The following SAMD3 variants were observed in gnomAD, a reference collection of about 807,000 sequenced individuals.
SAMD3 encodes sterile alpha motif domain containing 3.
Under a neutral mutation model 58.5 loss-of-function variants are expected in SAMD3, and 63 were observed. That is an observed-to-expected ratio of 1.08 (90% CI 0.88 to 1.33). The LOEUF (loss-of-function observed/expected upper bound fraction) is 1.33. Among genes scored for constraint, SAMD3 ranks in the 40% most tolerant of loss-of-function variants. The pLI, the probability that SAMD3 is intolerant of heterozygous loss-of-function variation, is 0.00. For missense variants in SAMD3, 604 were observed against 608.4 expected, an observed-to-expected ratio of 0.99 and a Z score of 0.08; for synonymous variants, 220 against 210.3, an observed-to-expected ratio of 1.05 and a Z score of -0.40.
chr6:130,209,038 CA>C (rs1463536528), intron 5 of SAMD3, among the ~76,000 whole-genome samples: 1 of 152,100 alleles, frequency 6.6e-6, no homozygotes, highest in Non-Finnish European at 1.5e-5. Context: ...AGTGTAGGAA[CA>C]TAGAGAAAAT....
intron 2 of SAMD3, chr6:130,312,842 T>C (rs1216413828): frequency 6.6e-6 from 1 of 152,206 alleles, no homozygotes; most frequent in Non-Finnish European, 1.5e-5. Context: ...CTGACTTTCA[T>C]GTTAGACACT....
intron 8 of SAMD3, among the ~76,000 whole-genome samples, chr6:130,168,677 C>T (rs1263977571): frequency 3.3e-5 from 5 of 152,128 alleles, no homozygotes; most frequent in East Asian, 1.9e-4. Context: ...TCAACATTTT[C>T]GATCTCTGCA....
chr6:130,173,170 A>T (rs948366178), intron 8 of SAMD3, among the ~76,000 whole-genome samples: 2 of 152,064 alleles, frequency 1.3e-5, no homozygotes, highest in Non-Finnish European at 2.9e-5. Flanking sequence ...GGAGTTTGTT[A>T]TTACCCACCT....
intron 9 of SAMD3, among the ~76,000 whole-genome samples, chr6:130,148,583 A>C (rs1788851141): frequency 6.6e-6 from 1 of 152,228 alleles, no homozygotes. Context: ...TTAAAAACTA[A>C]GATTTCAGGC....
chr6:130,183,869 A>T (rs749236526), intron 7 of SAMD3, among the ~76,000 whole-genome samples: 31 of 152,232 alleles, frequency 2.0e-4, no homozygotes, highest in East Asian at 7.7e-4. Context: ...GCGCAAAGTC[A>T]AGAAAGAAGC....
chr6:130,365,836 C>T (rs917165985), upstream of SAMD3: 12 of 985,502 alleles, frequency 1.2e-5, no homozygotes, highest in East Asian at 1.1e-4. Flanking sequence ...CAGATCCTGT[C>T]TGCGTCCTCC....
chr6:130,323,818 A>AAAAAAAAG (rs1776665500), intron 1 of SAMD3, among the ~76,000 whole-genome samples: 1 of 151,546 alleles, frequency 6.6e-6, no homozygotes, highest in Admixed American at 6.6e-5. Context: ...AAAAAAAAAA[A>AAAAAAAAG]AAAAAAAGAA....
At chr6:130,226,624 C>T (rs1233655938), upstream of SAMD3, among the ~76,000 whole-genome samples, 1 of 152,176 alleles carries the variant, frequency 6.6e-6, no homozygotes, top group Non-Finnish European at 1.5e-5. Flanking sequence ...GTCAGGAGTT[C>T]AAGACCAGCC....
chr6:130,263,811 G>A (rs753080031), intron 2 of SAMD3, among the ~76,000 whole-genome samples: 24 of 152,028 alleles, frequency 1.6e-4, no homozygotes, highest in African/African-American at 4.4e-4. Flanking sequence ...CCATTTAATC[G>A]GGGGAGATTT....
chr6:130,280,177 T>A (rs534977559), intron 2 of SAMD3, among the ~76,000 whole-genome samples: 1 of 152,334 alleles, frequency 6.6e-6, no homozygotes, highest in African/African-American at 2.4e-5. Flanking sequence ...TGGCTCATCA[T>A]AATCTTTGTT....
At chr6:130,168,326 T>G (rs895456931) in intron 8 of SAMD3, among the ~76,000 whole-genome samples, 38 of 152,110 alleles carry the variant, frequency 2.5e-4, no homozygotes, top group Admixed American at 1.6e-3. Flanking sequence ...TCCCAGCTAC[T>G]CAGGAGGCTG....
At chr6:130,297,489 T>C (rs749613426) in intron 2 of SAMD3, among the ~76,000 whole-genome samples, 10 of 152,226 alleles carry the variant, frequency 6.6e-5, no homozygotes, top group Non-Finnish European at 1.3e-4. Flanking sequence ...CCAGAGTTCT[T>C]GACCCCTCCG....
chr6:130,192,635 A>T (rs1793661245), intron 5 of SAMD3, among the ~76,000 whole-genome samples: 1 of 151,932 alleles, frequency 6.6e-6, no homozygotes, highest in South Asian at 2.1e-4. Context: ...CTCAGCCACC[A>T]GCACCCAGGT....
chr6:130,272,087 C>A (rs1774585700), intron 2 of SAMD3, among the ~76,000 whole-genome samples: 1 of 152,092 alleles, frequency 6.6e-6, no homozygotes, highest in African/African-American at 2.4e-5. Context: ...AAGGTCTTAT[C>A]TTTTCCAAGA....
intron 8 of SAMD3, among the ~76,000 whole-genome samples, chr6:130,163,608 T>C (rs962326678): frequency 6.6e-6 from 1 of 152,244 alleles, no homozygotes; most frequent in Non-Finnish European, 1.5e-5. Flanking sequence ...TTGCACTCTA[T>C]GTAGAATGAA....
chr6:130,157,344 A>ATTTTT (rs11405398), intron 8 of SAMD3, among the ~76,000 whole-genome samples: 3 of 148,504 alleles, frequency 2.0e-5, no homozygotes, highest in African/African-American at 7.4e-5. Context: ...GAGCTAACAT[A>ATTTTT]TTTTTTTTTT....
At chr6:130,304,454 T>G (rs1775848280) in intron 2 of SAMD3, among the ~76,000 whole-genome samples, 1 of 152,272 alleles carries the variant, frequency 6.6e-6, no homozygotes, top group East Asian at 1.9e-4. Flanking sequence ...AGTGCCAAAT[T>G]TGTTCATAAA....
At chr6:130,280,635 A>G (rs12214250) in intron 2 of SAMD3, among the ~76,000 whole-genome samples, 48,333 of 152,008 alleles carry the variant, frequency 0.32, 7,918 homozygotes, top group East Asian at 0.47. Context: ...TTCTGTACCC[A>G]TTTGGCCATT....
chr6:130,193,709 T>C (rs949541252), intron 5 of SAMD3, among the ~76,000 whole-genome samples: 2 of 152,198 alleles, frequency 1.3e-5, no homozygotes, highest in Non-Finnish European at 2.9e-5. Flanking sequence ...GCAATGCCGC[T>C]TGACCCCAAT....
Sources: gnomAD v4.1 joint callset for allele counts (sites outside exome capture counted in the v4.1 genomes callset) on GRCh38, gnomAD v4.1.1 for gene constraint, MANE v1.5 for transcripts, NCBI Gene and HGNC (gene_info 2026-07-23, HGNC 2026-07-21) for gene names.